The following APOL6 variants were observed in gnomAD, a reference collection of about 807,000 sequenced individuals.
APOL6 encodes apolipoprotein L, 6.
In APOL6, 1 loss-of-function variant was observed where a neutral mutation model predicts 2.4. The observed-to-expected ratio is 0.41, with a 90% CI of 0.15 to 1.94. The LOEUF is 1.94. APOL6 is among the 30% of genes most tolerant of loss of function. APOL6 has a pLI of 0.30. For synonymous variants in APOL6, 189 were observed against 169.3 expected (o/e 1.12, Z -0.90); for missense variants, 438 against 429.2 (o/e 1.02, Z -0.18).
In APOL6 at chr22:35,648,513, A is replaced by G. The variant is rs1399512003; in HGVS notation, c.-158A>G. 2 of 152,278 alleles carry G rather than the reference A, an allele frequency of 1.3e-5. No homozygotes were observed. The highest frequency in any genetic ancestry group is 4.8e-5 in the African/African-American group (2 of 41,416). The allele number at this position is 152,278 out of a possible 1,614,324, so 9.4% of individuals were successfully genotyped here. Reference sequence around the variant, plus strand: ...CTATCCGTCTTTCTCCAGCCCAGACACTCACAGCCCCCTGCCAGACCAGGG... The same window carrying G: ...CTATCCGTCTTTCTCCAGCCCAGACGCTCACAGCCCCCTGCCAGACCAGGG... On this transcript the variant is annotated 5_prime_UTR_variant, in exon 1 of 3. Coordinates refer to ENST00000409652, the MANE Select transcript of APOL6 (RefSeq NM_030641.4).
rs1925166547 is a variant in APOL6 at position 35,665,917 on chromosome 22, ACCT to A, written c.*6322_*6324del. On this transcript the variant is annotated 3_prime_UTR_variant, in exon 3 of 3. Transcript: ENST00000409652. ...AAATTATAAATTATGTATTTTTCTA[ACCT>A]AATTAATCCTTTAAGATCTTAGTTT... is the stretch of plus-strand genomic sequence containing the variant. 1 of 152,190 alleles carries A rather than the reference ACCT, an allele frequency of 6.6e-6. No individual in the cohort carries two copies. The allele number at this position is 152,190 out of a possible 1,614,324, so 9.4% of individuals were successfully genotyped here. A position where few individuals can be genotyped will look rare whatever the true frequency, so the allele number is the denominator to read the frequency against.
chr22:35,649,317 C>T (rs1482467821), intron 1 of APOL6, among the ~76,000 whole-genome samples: 1 of 151,336 alleles, frequency 6.6e-6, no homozygotes, highest in Non-Finnish European at 1.5e-5. Context: ...CACCTGTAGT[C>T]CCAGCTACTT....
intron 2 of APOL6, among the ~76,000 whole-genome samples, chr22:35,658,146 C>A (rs899764949): frequency 1.4e-4 from 21 of 152,074 alleles, no homozygotes; most frequent in African/African-American, 5.1e-4. Context: ...GCCCCCTCCA[C>A]CCTCCTACTC....
Position 35,668,249 on chromosome 22 carries a change from T to C in APOL6, c.*8653T>C, listed in dbSNP as rs1398146903. The stretch of plus-strand genomic sequence containing the variant: ...CCTTTCTGGACAGGACCAATGTATA[T>C]CTTAAATGTATTTGATTGATCTCTC... On this transcript the variant is annotated 3_prime_UTR_variant, in exon 3 of 3. Transcript: ENST00000409652. The C allele has an allele frequency of 6.6e-6, 1 of 152,162 alleles. No homozygotes were observed. The highest frequency in any genetic ancestry group is 2.4e-5 in the African/African-American group (1 of 41,410). The allele number at this position is 152,162 out of a possible 1,614,324, so 9.4% of individuals were successfully genotyped here.
rs1385558914 is a variant in APOL6 at position 35,661,926 on chromosome 22, G to A, written c.*2330G>A. On this transcript the variant is annotated 3_prime_UTR_variant, in exon 3 of 3. Coordinates refer to ENST00000409652, the MANE Select transcript of APOL6 (RefSeq NM_030641.4). ...ATCTTATCAAACCATGGTTGTATAT[G>A]CAGTTGACCGAAACATTGTTATTGG... 6.6e-6 allele frequency: 1 copy of A among 152,200 alleles called. No homozygotes were observed. The highest frequency in any genetic ancestry group is 1.5e-5 in the Non-Finnish European group (1 of 68,042). 9.4% of individuals were successfully genotyped at this position (152,200 alleles called of 1,614,324 possible). A position where few individuals can be genotyped will look rare whatever the true frequency, so the allele number is the denominator to read the frequency against.
intron 2 of APOL6, among the ~76,000 whole-genome samples, chr22:35,657,330 G>T (rs1389155303): frequency 1.3e-5 from 2 of 152,100 alleles, no homozygotes; most frequent in African/African-American, 2.4e-5. Context: ...CTTCTGCTCT[G>T]TTAACTGATT....
intron 1 of APOL6, among the ~76,000 whole-genome samples, chr22:35,649,721 T>C (rs1924639422): frequency 6.6e-6 from 1 of 151,700 alleles, no homozygotes. Flanking sequence ...ACCTTTGCCC[T>C]GCATCCCATA....
At chr22:35,650,641 T>G (rs1924662493) in intron 1 of APOL6, among the ~76,000 whole-genome samples, 1 of 152,194 alleles carries the variant, frequency 6.6e-6, no homozygotes, top group Non-Finnish European at 1.5e-5. Context: ...TAAAAATTTG[T>G]GTCCTGGGCT....
intron 1 of APOL6, among the ~76,000 whole-genome samples, chr22:35,653,657 G>A (rs1294950540): frequency 6.6e-6 from 1 of 152,148 alleles, no homozygotes; most frequent in Non-Finnish European, 1.5e-5. Flanking sequence ...GAAGGAAGGA[G>A]GCTGAACTCT....
At chr22:35,650,518 C>G (rs1924659236) in intron 1 of APOL6, among the ~76,000 whole-genome samples, 2 of 152,116 alleles carry the variant, frequency 1.3e-5, no homozygotes, top group Admixed American at 6.5e-5. Context: ...GCATGCATTT[C>G]CATATGGTGA....
intron 2 of APOL6, among the ~76,000 whole-genome samples, chr22:35,658,276 A>T (rs1924901551): frequency 6.6e-6 from 1 of 152,012 alleles, no homozygotes; most frequent in African/African-American, 2.4e-5. Flanking sequence ...GGGTTTTAAC[A>T]TTTCCCCACT....
rs1226016429 is a variant in APOL6, at chr22:35,665,480, A to G, written c.*5884A>G. 1 of 152,194 alleles carries G rather than the reference A, an allele frequency of 6.6e-6. No homozygotes were observed. Among genetic ancestry groups the G allele is most frequent in the African/African-American group, 2.4e-5 (1 of 41,462 alleles). 9.4% of individuals were successfully genotyped at this position (152,194 alleles called of 1,614,324 possible). On this transcript the variant is annotated 3_prime_UTR_variant, in exon 3 of 3. Coordinates refer to ENST00000409652, the MANE Select transcript of APOL6 (RefSeq NM_030641.4). ...AGATTGTAAGGGCCGATTTTGAAAG[A>G]TCCAGTAAGTTCAGTTTCTCTATGA... is the stretch of plus-strand genomic sequence containing the variant.
rs1410854656 is a variant in APOL6, at chr22:35,659,339, C to A, written c.775C>A (p.Leu259Met). The A allele has an allele frequency of 6.2e-7, 1 of 1,614,044 alleles. No individual in the cohort carries two copies. Among genetic ancestry groups the A allele is most frequent in the East Asian group, 2.2e-5 (1 of 44,870 alleles). Residue 259 changes from leucine (L) to methionine (M), a missense_variant, in exon 3 of 3, where the codon CTG becomes ATG. Leu to Met is a conservative substitution (Grantham distance 15, BLOSUM62 2). Coordinates refer to ENST00000409652, the MANE Select transcript of APOL6 (RefSeq NM_030641.4). ...CACTCTCTCAAAGGAATGGAAGCAC[C>A]TGAAGGAAGGAGCAAGGACAAAGTT... The part of the protein sequence containing the change: ...LATLSKEWKH[L>M]KEGARTKFAE...
In APOL6 at chr22:35,659,807, C is replaced by G; in HGVS notation, c.*211C>G. 2 of 846,624 alleles carry G rather than the reference C, an allele frequency of 2.4e-6. No homozygotes were observed. The highest frequency in any genetic ancestry group is 3.9e-5 in the South Asian group (2 of 51,542). The allele number at this position is 846,624 out of a possible 1,614,324, so 52.4% of individuals were successfully genotyped here. ...TGTTTTGAGACAGGGTCTCTGTTGCCCAGGCTGGAGTGCAGTGGCGTAATC... is the reference window on the plus strand; with the variant it reads ...TGTTTTGAGACAGGGTCTCTGTTGCGCAGGCTGGAGTGCAGTGGCGTAATC... On this transcript the variant is annotated 3_prime_UTR_variant, in exon 3 of 3. Transcript: ENST00000409652.
chr22:35,654,857 C>T (rs1601866113), intron 1 of APOL6, among the ~76,000 whole-genome samples: 1 of 152,044 alleles, frequency 6.6e-6, no homozygotes, highest in East Asian at 1.9e-4. Flanking sequence ...GTTCTCTGTC[C>T]TCTCTCTATT....
At position 35,659,060 on chromosome 22, in the gene APOL6, G is replaced by C. The variant is rs761950647; in HGVS notation, c.496G>C (p.Ala166Pro). The C allele has an allele frequency of 9.3e-6, 15 of 1,613,858 alleles. No homozygotes were observed. Among genetic ancestry groups the C allele is most frequent in the Non-Finnish European group, 1.3e-5 (15 of 1,180,034 alleles). The change falls in exon 3 of 3, where the codon GCT becomes CCT. Residue 166 changes from alanine (A) to proline (P), a missense_variant. Transcript: ENST00000409652. ...DEEEKADYVT[A>P]AGKIIYNLRN... ...GGAAGAGAAGGCAGACTATGTCACA[G>C]CTGCTGGAAAGATTATCTATAATCT...
chr22:35,665,293 T>G lies in APOL6; in HGVS notation c.*5697T>G, dbSNP rs998503557. On this transcript the variant is annotated 3_prime_UTR_variant, in exon 3 of 3. Coordinates refer to ENST00000409652, the MANE Select transcript of APOL6 (RefSeq NM_030641.4). ...TTGAGTTACAGGGCTTTAACTCCTG[T>G]GTCTGAAAAATCACAAACACTGATG... The G allele has an allele frequency of 1.3e-5, 2 of 152,166 alleles. No homozygotes were observed. The highest frequency in any genetic ancestry group is 1.3e-4 in the Admixed American group (2 of 15,266). The allele number at this position is 152,166 out of a possible 1,614,324, so 9.4% of individuals were successfully genotyped here.
rs2145959273 is a variant in APOL6, at chr22:35,660,293, C to T, written c.*697C>T. On this transcript the variant is annotated 3_prime_UTR_variant, in exon 3 of 3. Coordinates refer to ENST00000409652, the MANE Select transcript of APOL6 (RefSeq NM_030641.4). The stretch of plus-strand genomic sequence containing the variant: ...GGAGGAGGAAATACAAGAGGGCCTC[C>T]CCACCCCTGCTGCACACCTACACTG... 6.6e-6 allele frequency: 1 copy of T among 152,496 alleles called. No homozygotes were observed. The highest frequency in any genetic ancestry group is 1.9e-4 in the East Asian group (1 of 5,184). 9.4% of individuals were successfully genotyped at this position (152,496 alleles called of 1,614,324 possible). A position where few individuals can be genotyped will look rare whatever the true frequency, so the allele number is the denominator to read the frequency against.
chr22:35,652,877 T>C (rs1355762016), intron 1 of APOL6, among the ~76,000 whole-genome samples: 1 of 151,922 alleles, frequency 6.6e-6, no homozygotes, highest in East Asian at 1.9e-4. Context: ...CTTGGCAATG[T>C]GGGCTCTTTT....
Sources: allele counts gnomAD v4.1 joint callset (sites outside exome capture counted in the v4.1 genomes callset), GRCh38; gene constraint gnomAD v4.1.1; transcripts MANE v1.5; gene names NCBI Gene and HGNC (gene_info 2026-07-23, HGNC 2026-07-21).